The following KLF12 variants were observed in gnomAD, a reference collection of about 807,000 sequenced individuals.
The protein encoded by KLF12 is KLF transcription factor 12.
In KLF12, 9 loss-of-function variants were observed where a neutral mutation model predicts 37.8. The ratio of observed to expected loss-of-function variants is 0.24; its 90% CI spans 0.14 to 0.42. The LOEUF (loss-of-function observed/expected upper bound fraction) is 0.42. Ranked by LOEUF, KLF12 falls within the 10% of genes least tolerant of loss-of-function variation. KLF12 has a pLI of 1.00. For missense variants in KLF12, 411 were observed against 516.0 expected, an observed-to-expected ratio of 0.80 and a Z score of 1.97; for synonymous variants, 208 against 202.1, an observed-to-expected ratio of 1.03 and a Z score of -0.25.
At chr13:73,864,795 AAG>A (rs1243644020) in intron 3 of KLF12, among the ~76,000 whole-genome samples, 2 of 152,116 alleles carry the variant, frequency 1.3e-5, no homozygotes, top group Non-Finnish European at 2.9e-5. Flanking sequence ...CAGTAGAATG[AAG>A]GAATATATAT....
intron 1 of KLF12, among the ~76,000 whole-genome samples, chr13:74,083,493 GAC>G (rs61312097): frequency 0.23 from 30,762 of 136,112 alleles, 3,292 homozygotes; most frequent in Non-Finnish European, 0.26. Flanking sequence ...GGCGATAGGA[GAC>G]ACACACACAC....
In KLF12 at chr13:73,960,508, T is replaced by TA. The variant is rs1282801177; in HGVS notation, c.34-16439dup. 33 of 195,760 alleles carry TA rather than the reference T, an allele frequency of 1.7e-4. No homozygotes were observed. The South Asian group carries it at 1.7e-3, about 10-fold the overall frequency. The allele number at this position is 195,760 out of a possible 1,614,324, so 12.1% of individuals were successfully genotyped here. A position where few individuals can be genotyped will look rare whatever the true frequency, so the allele number is the denominator to read the frequency against. On this transcript the variant is annotated intron_variant, in intron 2 of 7. Coordinates refer to ENST00000377669, the MANE Select transcript of KLF12 (RefSeq NM_007249.5). ...AAAAAAGAAGAGCCAATGGTTGGGA[T>TA]AAAAAAAACAAAGTTCCTATACAGG...
chr13:73,777,880 C>T (rs549906180), intron 5 of KLF12, among the ~76,000 whole-genome samples: 63 of 152,020 alleles, frequency 4.1e-4, no homozygotes, highest in African/African-American at 1.4e-3. Flanking sequence ...GCATGTAATC[C>T]CAGCACCTTG....
At chr13:73,982,802 C>A (rs1298191108) in intron 2 of KLF12, among the ~76,000 whole-genome samples, 2 of 152,118 alleles carry the variant, frequency 1.3e-5, no homozygotes, top group Non-Finnish European at 2.9e-5. Flanking sequence ...GTAAACCAGA[C>A]CCTTTCCCTC....
chr13:74,095,819 A>C (rs1875951234), intron 1 of KLF12, among the ~76,000 whole-genome samples: 1 of 152,196 alleles, frequency 6.6e-6, no homozygotes, highest in African/African-American at 2.4e-5. Flanking sequence ...AATACTGAGG[A>C]GCTACCTCTC....
rs989711871 is a variant in KLF12 at position 73,719,458 on chromosome 13, G to C, written c.870-3933C>G. On this transcript the variant is annotated intron_variant, in intron 6 of 7. Transcript: ENST00000377669. Reference sequence around the variant, plus strand: ...AAAAAGTTTGCTAAATAGAATAAATGAATGCATTAAGCCTGGTATTCCTGA... The same window carrying C: ...AAAAAGTTTGCTAAATAGAATAAATCAATGCATTAAGCCTGGTATTCCTGA... 2.6e-5 allele frequency among the ~76,000 whole-genome samples: 4 copies of C among 150,944 alleles called. No individual in the cohort carries two copies. The South Asian group carries it at 8.4e-4, about 32-fold the overall frequency.
the KLF12 span, among the ~76,000 whole-genome samples, chr13:74,294,238 G>A: frequency 4.6e-5 from 7 of 152,046 alleles, no homozygotes; most frequent in South Asian, 8.3e-4. Context: ...TACATGCACC[G>A]ATTGTGTAGT....
chr13:73,808,759 T>A (rs1452360760), intron 5 of KLF12, among the ~76,000 whole-genome samples: 2 of 152,090 alleles, frequency 1.3e-5, no homozygotes, highest in Non-Finnish European at 2.9e-5. Flanking sequence ...AATCCAAACT[T>A]GAACAGTTAT....
chr13:73,711,195 AT>A lies in KLF12; in HGVS notation c.1027+4172del, dbSNP rs1271154396. Among the ~76,000 whole-genome samples, 3 of 152,254 alleles carry A rather than the reference AT, an allele frequency of 2.0e-5. No individual in the cohort carries two copies. In the East Asian group the frequency reaches 5.8e-4, roughly 29 times the overall value. Reference sequence around the variant, plus strand: ...AGGTTTAAGGACAGAAGCTGTCTCCATAACATATAAGTGCAAGTTGTAGCAG... The same window carrying A: ...AGGTTTAAGGACAGAAGCTGTCTCCAAACATATAAGTGCAAGTTGTAGCAG... On this transcript the variant is annotated intron_variant, in intron 7 of 7. Transcript: ENST00000377669.
the KLF12 span, among the ~76,000 whole-genome samples, chr13:74,225,393 A>G: frequency 6.6e-6 from 1 of 152,172 alleles, no homozygotes; most frequent in Non-Finnish European, 1.5e-5. Flanking sequence ...TAATGAGGAC[A>G]GTTATGTTTT....
At chr13:74,304,267 CT>C in the KLF12 span, among the ~76,000 whole-genome samples, 1 of 152,092 alleles carries the variant, frequency 6.6e-6, no homozygotes, top group Non-Finnish European at 1.5e-5. Context: ...TACTGTTTTT[CT>C]TTTTGTGGAA....
the KLF12 span, among the ~76,000 whole-genome samples, chr13:74,240,562 C>A: frequency 5.6e-3 from 323 of 57,442 alleles, no homozygotes; most frequent in Middle Eastern, 0.027. Context: ...TCCATTCTCC[C>A]CATCACTTTC....
chr13:73,994,604 A>G (rs1464680989), intron 2 of KLF12, among the ~76,000 whole-genome samples: 1 of 152,182 alleles, frequency 6.6e-6, no homozygotes. Flanking sequence ...ATCATGCACC[A>G]TATGGCACTG....
chr13:73,971,642 G>A (rs907677631), intron 2 of KLF12, among the ~76,000 whole-genome samples: 3 of 152,100 alleles, frequency 2.0e-5, no homozygotes, highest in African/African-American at 7.2e-5. Context: ...CATCTTAATA[G>A]TGACTAGTTT....
chr13:74,201,462 C>T, the KLF12 span, among the ~76,000 whole-genome samples: 1 of 152,138 alleles, frequency 6.6e-6, no homozygotes, highest in South Asian at 2.1e-4. Flanking sequence ...ATGTTTTGTT[C>T]TCCTTGGTTA....
At chr13:73,960,167 G>A (rs1890974875) in intron 2 of KLF12, among the ~76,000 whole-genome samples, 1 of 152,104 alleles carries the variant, frequency 6.6e-6, no homozygotes, top group African/African-American at 2.4e-5. Flanking sequence ...TAGATGAATA[G>A]ATTATGAGAC....
chr13:73,962,684 T>C (rs1891056199), intron 2 of KLF12, among the ~76,000 whole-genome samples: 1 of 152,206 alleles, frequency 6.6e-6, no homozygotes, highest in Admixed American at 6.5e-5. Context: ...GCAAGTTTAA[T>C]CACAAATTCT....
At chr13:73,943,919 C>T (rs1890302865) in intron 3 of KLF12, 62 bp downstream of exon 3, 1 of 984,328 alleles carries the variant, frequency 1.0e-6, no homozygotes. Flanking sequence ...CCTCAGGATG[C>T]TCTGCAGAAG....
chr13:74,267,486 A>C, the KLF12 span, among the ~76,000 whole-genome samples: 1 of 152,224 alleles, frequency 6.6e-6, no homozygotes, highest in African/African-American at 2.4e-5. Flanking sequence ...AGGTACAGAA[A>C]GACAAATATT....
Sources: gnomAD v4.1 joint callset for allele counts (sites outside exome capture counted in the v4.1 genomes callset) on GRCh38, gnomAD v4.1.1 for gene constraint, MANE v1.5 for transcripts, NCBI Gene and HGNC (gene_info 2026-07-23, HGNC 2026-07-21) for gene names.